The following HCRTR2 variants were observed in gnomAD, a reference collection of about 807,000 sequenced individuals.
The protein encoded by HCRTR2 is orexin receptor type 2.
In HCRTR2, 22 loss-of-function variants were observed where a neutral mutation model predicts 49.0. That is an observed-to-expected ratio of 0.45 (90% CI 0.32 to 0.64). The LOEUF is 0.64. HCRTR2 is among the 30% of genes least tolerant of loss of function. The pLI, the probability that HCRTR2 is intolerant of heterozygous loss-of-function variation, is 0.04. For synonymous variants in HCRTR2, 236 were observed against 205.3 expected, an observed-to-expected ratio of 1.15 and a Z score of -1.28; for missense variants, 491 against 559.4, an observed-to-expected ratio of 0.88 and a Z score of 1.23.
At chr6:55,272,597 CT>C (rs35741450) in intron 4 of HCRTR2, among the ~76,000 whole-genome samples, 233 of 144,686 alleles carry the variant, frequency 1.6e-3, no homozygotes, top group Middle Eastern at 7.0e-3. Context: ...AAATTGAAGA[CT>C]TTTTTTTTTT....
At position 55,249,291 on chromosome 6, in the gene HCRTR2, T is replaced by C. The variant is rs111701204; in HGVS notation, c.402+474T>C. Among the ~76,000 whole-genome samples the C allele has an allele frequency of 5.0e-3, 757 of 152,270 alleles. 7 individuals are homozygous for C. The highest frequency in any genetic ancestry group is 0.018 in the African/African-American group (730 of 41,556). ...CCAAGTCATTGAGCATATTTGTTTT[T>C]ACAAGTGATTTTATTTTATACTGAA... On this transcript the variant is annotated intron_variant, in intron 2 of 6. Transcript: ENST00000370862.
chr6:55,247,326 T>C (rs2127311017), intron 1 of HCRTR2, among the ~76,000 whole-genome samples: 1 of 152,286 alleles, frequency 6.6e-6, no homozygotes, highest in African/African-American at 2.4e-5. Context: ...AATCCAGGTA[T>C]CTTGTTAAAT....
At chr6:55,216,344 C>G (rs1263158222) in intron 1 of HCRTR2, among the ~76,000 whole-genome samples, 7 of 152,174 alleles carry the variant, frequency 4.6e-5, no homozygotes, top group African/African-American at 1.7e-4. Flanking sequence ...GCCCCAAAGT[C>G]TTAACCTGTT....
chr6:55,118,204 A>G (rs1764146646), intron 1 of HCRTR2, among the ~76,000 whole-genome samples: 1 of 151,914 alleles, frequency 6.6e-6, no homozygotes, highest in South Asian at 2.1e-4. Context: ...CTCCAGCTCC[A>G]TCCATGTTCC....
chr6:55,144,266 C>T, intron 1 of HCRTR2, among the ~76,000 whole-genome samples: 1 of 152,120 alleles, frequency 6.6e-6, no homozygotes, highest in African/African-American at 2.4e-5. Context: ...GCATGCGCCA[C>T]CACGTCTGGC....
At chr6:55,181,248 T>A (rs1765129217) in intron 1 of HCRTR2, among the ~76,000 whole-genome samples, 1 of 152,204 alleles carries the variant, frequency 6.6e-6, no homozygotes, top group Admixed American at 6.5e-5. Flanking sequence ...TGCTATTGGA[T>A]GAAACACATG....
At chr6:55,110,409 C>G (rs1344469013) in intron 1 of HCRTR2, among the ~76,000 whole-genome samples, 1 of 152,028 alleles carries the variant, frequency 6.6e-6, no homozygotes, top group African/African-American at 2.4e-5. Flanking sequence ...GGCCTAAAGG[C>G]TCTACTTAAA....
chr6:55,278,438 A>C (rs1459046243), intron 5 of HCRTR2, among the ~76,000 whole-genome samples: 1 of 152,160 alleles, frequency 6.6e-6, no homozygotes, highest in Non-Finnish European at 1.5e-5. Flanking sequence ...TATATTCCTC[A>C]CAGCTGGGAA....
At chr6:55,139,377 A>G (rs546645739) in intron 1 of HCRTR2, among the ~76,000 whole-genome samples, 93 of 152,288 alleles carry the variant, frequency 6.1e-4, no homozygotes, top group African/African-American at 2.2e-3. Flanking sequence ...AAACTGAAGC[A>G]AGTCAGAAGC....
chr6:55,243,607 T>C (rs1413346103), intron 1 of HCRTR2, among the ~76,000 whole-genome samples: 1 of 152,136 alleles, frequency 6.6e-6, no homozygotes, highest in Non-Finnish European at 1.5e-5. Context: ...ACCATACCAA[T>C]GGCAGCAACA....
At chr6:55,208,699 C>G (rs1414634656) in intron 1 of HCRTR2, among the ~76,000 whole-genome samples, 2 of 152,132 alleles carry the variant, frequency 1.3e-5, no homozygotes, top group African/African-American at 4.8e-5. Flanking sequence ...TGGTGTCAGT[C>G]TTCCCATTTT....
At chr6:55,143,716 G>T (rs1487793437) in intron 1 of HCRTR2, among the ~76,000 whole-genome samples, 4 of 151,472 alleles carry the variant, frequency 2.6e-5, no homozygotes, top group African/African-American at 7.3e-5. Flanking sequence ...GATGAGGATG[G>T]GTAACAATGA....
chr6:55,182,829 C>T (rs1418499229), intron 1 of HCRTR2, among the ~76,000 whole-genome samples: 1 of 152,096 alleles, frequency 6.6e-6, no homozygotes, highest in Admixed American at 6.6e-5. Context: ...TTCATTTGGT[C>T]CAAATCAATC....
intron 3 of HCRTR2, among the ~76,000 whole-genome samples, chr6:55,261,604 A>G (rs1018365074): frequency 6.6e-6 from 1 of 152,074 alleles, no homozygotes; most frequent in African/African-American, 2.4e-5. Flanking sequence ...AAGGATGGCC[A>G]TAATCAAAAA....
chr6:55,133,587 T>A (rs1375732304), intron 1 of HCRTR2, among the ~76,000 whole-genome samples: 2 of 151,886 alleles, frequency 1.3e-5, no homozygotes, highest in Non-Finnish European at 2.9e-5. Context: ...TGGATATCTG[T>A]TGGCAATGAA....
intron 2 of HCRTR2, among the ~76,000 whole-genome samples, chr6:55,249,736 C>A (rs916120991): frequency 1.1e-4 from 16 of 152,000 alleles, no homozygotes; most frequent in Non-Finnish European, 1.8e-4. Context: ...GTTATTATAG[C>A]TCTAAAATTT....
chr6:55,226,152 T>C (rs9382466), intron 1 of HCRTR2, among the ~76,000 whole-genome samples: 26,277 of 152,244 alleles, frequency 0.17, 2,768 homozygotes, highest in Non-Finnish European at 0.24. Context: ...CTGAATCTTA[T>C]GCCTTGAGAT....
At chr6:55,210,180 G>A (rs1362156849) in intron 1 of HCRTR2, among the ~76,000 whole-genome samples, 5 of 152,046 alleles carry the variant, frequency 3.3e-5, no homozygotes, top group South Asian at 4.1e-4. Context: ...TTAGAAATGT[G>A]TTATTTCTTA....
At chr6:55,188,894 T>G (rs1032628952) in intron 1 of HCRTR2, among the ~76,000 whole-genome samples, 1 of 152,218 alleles carries the variant, frequency 6.6e-6, no homozygotes, top group Non-Finnish European at 1.5e-5. Flanking sequence ...TGTTGACATG[T>G]GAATACGATT....
Sources: gnomAD v4.1 joint callset for allele counts (sites outside exome capture counted in the v4.1 genomes callset) on GRCh38, gnomAD v4.1.1 for gene constraint, MANE v1.5 for transcripts, NCBI Gene and HGNC (gene_info 2026-07-23, HGNC 2026-07-21) for gene names.